LY75: variants seen among roughly 807,000 people sequenced by gnomAD.
LY75 encodes C-type lectin domain family 13 member B.
LY75 carries 185 observed loss-of-function variants against 231.7 expected under a neutral mutation model. The ratio of observed to expected loss-of-function variants is 0.80; its 90% CI spans 0.71 to 0.90. The LOEUF (loss-of-function observed/expected upper bound fraction) is 0.90, where lower values mean the gene tolerates loss of function less well. Among genes scored for constraint, LY75 ranks in the 40% least tolerant of loss-of-function variants. The pLI is 0.00. For missense variants in LY75, 1,947 were observed against 2,050.2 expected (o/e 0.95, Z 0.97); for synonymous variants, 668 against 689.0 (o/e 0.97, Z 0.48).
chr2:159,870,039 G>A (rs928545523), intron 13 of LY75, among the ~76,000 whole-genome samples: 1 of 152,128 alleles, frequency 6.6e-6, no homozygotes, highest in Non-Finnish European at 1.5e-5. Flanking sequence ...GAGATTCTAC[G>A]ATAGATGCTT....
intron 14 of LY75, among the ~76,000 whole-genome samples, chr2:159,864,081 T>C (rs546671010): frequency 5.9e-5 from 9 of 152,326 alleles, no homozygotes; most frequent in African/African-American, 1.9e-4. Flanking sequence ...TAACTAACAA[T>C]GCATTTCTCA....
chr2:159,840,681 A>C (rs1419823902), intron 25 of LY75, 48 bp downstream of exon 25: 11 of 1,611,902 alleles, frequency 6.8e-6, no homozygotes, highest in Non-Finnish European at 9.3e-6. Flanking sequence ...ACAATAAAAA[A>C]TGTCGCTTTC....
intron 6 of LY75, among the ~76,000 whole-genome samples, chr2:159,882,751 G>T (rs928831830): frequency 8.5e-5 from 13 of 152,316 alleles, no homozygotes; most frequent in African/African-American, 3.1e-4. Flanking sequence ...TGTATGGCCA[G>T]CTTAGCAAGG....
chr2:159,880,661 C>T (rs1685407361), intron 8 of LY75, among the ~76,000 whole-genome samples: 2 of 152,202 alleles, frequency 1.3e-5, no homozygotes, highest in Non-Finnish European at 2.9e-5. Context: ...GAAAGACAGT[C>T]TAGACTTTAG....
intron 21 of LY75, among the ~76,000 whole-genome samples, chr2:159,850,786 AT>A (rs1560080978): frequency 8.3e-5 from 9 of 108,144 alleles, no homozygotes; most frequent in South Asian, 4.7e-4. Flanking sequence ...ATATATATAT[AT>A]ATATATATAT....
chr2:159,810,292 A>T (rs12987994), intron 32 of LY75, among the ~76,000 whole-genome samples: 7 of 152,218 alleles, frequency 4.6e-5, no homozygotes, highest in African/African-American at 7.2e-5. Context: ...TTGGCCTCCC[A>T]AAGTGCTGGG....
intron 20 of LY75, among the ~76,000 whole-genome samples, chr2:159,853,039 A>C (rs1574559498): frequency 3.3e-5 from 5 of 152,328 alleles, no homozygotes; most frequent in Admixed American, 3.3e-4. Context: ...ATCAGTTAGG[A>C]AAGTGGTAAG....
intron 13 of LY75, among the ~76,000 whole-genome samples, chr2:159,870,006 G>A (rs1684962014): frequency 6.6e-6 from 1 of 152,058 alleles, no homozygotes; most frequent in Non-Finnish European, 1.5e-5. Context: ...TTCTAACACT[G>A]GACAATGATG....
rs1372255244 is a variant in LY75, at chr2:159,840,749, T to C, written c.3487A>G (p.Ile1163Val). The C allele has an allele frequency of 6.2e-7, 1 of 1,613,904 alleles. No homozygotes were observed. Among genetic ancestry groups the C allele is most frequent in the Non-Finnish European group, 8.5e-7 (1 of 1,179,950 alleles). ...CTTACATCTTGACTGAAGAGTCCGATCCATAAGGAAGAGTTGTGAAGGAGC... is the reference window on the plus strand; with the variant it reads ...CTTACATCTTGACTGAAGAGTCCGACCCATAAGGAAGAGTTGTGAAGGAGC... Reference protein sequence around the residue: ...QALLHNSSLWIGLFSQDDELN... With the variant: ...QALLHNSSLWVGLFSQDDELN... Residue 1163 changes from isoleucine to valine, a missense_variant, in exon 25 of 35, where the codon ATC becomes GTC. Transcript: ENST00000263636.
Position 159,831,778 on chromosome 2 carries a change from A to AT in LY75, c.3849dup (p.Ser1284IlefsTer9), listed in dbSNP as rs762908643. 5 of 1,604,442 alleles carry AT rather than the reference A, an allele frequency of 3.1e-6. No homozygotes were observed. Among genetic ancestry groups the AT allele is most frequent in the Non-Finnish European group, 4.3e-6 (5 of 1,176,434 alleles). ...TCATCTCGAATACTCAGAATATGTG[A>AT]TTTTGGATCTGTTGAATAAAAAATA... On this transcript the variant is annotated frameshift_variant, in exon 28 of 35. Coordinates refer to ENST00000263636, the MANE Select transcript of LY75 (RefSeq NM_002349.4). LOFTEE classifies it high-confidence loss of function.
chr2:159,816,718 T>C (rs1574523906), intron 30 of LY75, 88 bp downstream of exon 30: 4 of 1,538,778 alleles, frequency 2.6e-6, no homozygotes, highest in East Asian at 2.3e-5. Context: ...CATCTAATGT[T>C]GTACTTTGTG....
chr2:159,874,306 TAA>T (rs370794341), intron 12 of LY75, among the ~76,000 whole-genome samples: 19 of 125,712 alleles, frequency 1.5e-4, no homozygotes, highest in South Asian at 2.4e-4. Flanking sequence ...TGTAAATATA[TAA>T]ATATATATAT....
intron 8 of LY75, among the ~76,000 whole-genome samples, chr2:159,880,115 C>T (rs1685389254): frequency 6.6e-6 from 1 of 152,146 alleles, no homozygotes; most frequent in African/African-American, 2.4e-5. Flanking sequence ...CTTTTAAATA[C>T]ACATAATATT....
intron 13 of LY75, among the ~76,000 whole-genome samples, chr2:159,868,184 G>A (rs1032016838): frequency 1.3e-5 from 2 of 152,120 alleles, no homozygotes; most frequent in East Asian, 1.9e-4. Context: ...AAGTTATTAA[G>A]CAAACAAAGC....
chr2:159,881,033 T>C (rs1467545001), intron 8 of LY75, 50 bp downstream of exon 8: 1 of 1,576,070 alleles, frequency 6.3e-7, no homozygotes, highest in Admixed American at 1.9e-5. Context: ...CTTAATATTA[T>C]CATTAGGTAA....
At position 159,894,058 on chromosome 2, in the gene LY75, A is replaced by G; in HGVS notation, c.493T>C (p.Tyr165His). 2.5e-6 allele frequency: 4 copies of G among 1,612,786 alleles called. No homozygotes were observed. Among genetic ancestry groups the G allele is most frequent in the Non-Finnish European group, 3.4e-6 (4 of 1,179,314 alleles). The change falls in exon 3 of 35, where the codon TAT becomes CAT. Residue 165 changes from tyrosine (Y) to histidine (H), a missense_variant. Tyr to His is a moderately conservative substitution (Grantham distance 83). Transcript: ENST00000263636. ...HEIYTRDGNS[Y>H]GRPCEFPFLI... ...AATGGAAATTCACAAGGTCTCCCATAAGAGTTCCCATCTCTGGTATAGATC... is the reference window on the plus strand; with the variant it reads ...AATGGAAATTCACAAGGTCTCCCATGAGAGTTCCCATCTCTGGTATAGATC...
At chr2:159,890,096 T>A in intron 4 of LY75, 117 bp downstream of exon 4, 1 of 1,353,776 alleles carries the variant, frequency 7.4e-7, no homozygotes, top group Non-Finnish European at 9.9e-7. Flanking sequence ...GAAGTTTAAA[T>A]CCCAAGAGAG....
chr2:159,824,980 C>T (rs369085454), intron 28 of LY75, among the ~76,000 whole-genome samples: 2 of 152,190 alleles, frequency 1.3e-5, no homozygotes, highest in Non-Finnish European at 2.9e-5. Context: ...AAATTTATAG[C>T]ACTAAATGCC....
intron 12 of LY75, among the ~76,000 whole-genome samples, chr2:159,874,986 T>C (rs1398211205): frequency 1.4e-5 from 2 of 141,856 alleles, no homozygotes; most frequent in African/African-American, 5.2e-5. Flanking sequence ...ATTGTAAATA[T>C]GTTTATAAAT....
Sources: gnomAD v4.1 joint callset for allele counts (sites outside exome capture counted in the v4.1 genomes callset) on GRCh38, gnomAD v4.1.1 for gene constraint, MANE v1.5 for transcripts, NCBI Gene and HGNC (gene_info 2026-07-23, HGNC 2026-07-21) for gene names.